SRI: variants seen among roughly 807,000 people sequenced by gnomAD.
The protein encoded by SRI is sorcin.
A neutral mutation model predicts 33.3 loss-of-function variants in SRI; 30 were observed. The observed-to-expected ratio is 0.90, with a 90% CI of 0.67 to 1.22. SRI has a LOEUF of 1.22. Ranked by LOEUF, SRI falls within the 50% of genes most tolerant of loss-of-function variation. SRI has a pLI of 0.00. For synonymous variants in SRI, 75 were observed against 89.9 expected (o/e 0.83, Z 0.94); for missense variants, 243 against 250.8 (o/e 0.97, Z 0.21).
At chr7:88,208,223 G>A in intron 7 of SRI, 2 of 468,358 alleles carry the variant, frequency 4.3e-6, no homozygotes, top group East Asian at 4.7e-5. Context: ...TATTCATATA[G>A]TGTCACAGCA....
rs2115728958 is a variant in SRI at position 88,206,096 on chromosome 7, GAGTATTCTTTGT to G, written c.*370_*381del. ...TCATTTACCTAAGTTTTTATGTGTG[GAGTATTCTTTGT>G]AGGAGAGGAAAGATAACAGCTGTAG... On this transcript the variant is annotated 3_prime_UTR_variant, in exon 8 of 8. Transcript: ENST00000265729. The G allele has an allele frequency of 4.5e-6, 1 of 222,434 alleles. No individual in the cohort carries two copies. The highest frequency in any genetic ancestry group is 1.0e-4 in the East Asian group (1 of 9,554). The allele number at this position is 222,434 out of a possible 1,614,324, so 13.8% of individuals were successfully genotyped here.
chr7:88,217,582 G>A (rs942711917), intron 2 of SRI, among the ~76,000 whole-genome samples: 1 of 152,174 alleles, frequency 6.6e-6, no homozygotes, highest in Non-Finnish European at 1.5e-5. Flanking sequence ...TTATGATATA[G>A]TGAATCATTT....
At chr7:88,212,117 T>A (rs535993570) in intron 3 of SRI, among the ~76,000 whole-genome samples, 1 of 152,364 alleles carries the variant, frequency 6.6e-6, no homozygotes, top group Admixed American at 6.5e-5. Flanking sequence ...CTTTGTAGCT[T>A]CATATTTTTT....
chr7:88,209,552 CATATT>C (rs1851519004), intron 5 of SRI, 100 bp from the exon 6 acceptor site: 3 of 843,728 alleles, frequency 3.6e-6, no homozygotes, highest in African/African-American at 1.7e-5. Flanking sequence ...ACTGCAGACT[CATATT>C]AATTATGAAC....
chr7:88,222,673 C>T (rs1354167568), upstream of SRI, among the ~76,000 whole-genome samples: 1 of 152,110 alleles, frequency 6.6e-6, no homozygotes, highest in Admixed American at 6.6e-5. Flanking sequence ...TGGAACAGAA[C>T]AAAGCCCTCA....
In SRI at chr7:88,206,324, C is replaced by A; in HGVS notation, c.*154G>T. Reference sequence around the variant, plus strand: ...AAAGAATTTATTATCAAAACTAAAACAAAACTTCAGTTGTACATAAAGTAA... The same window carrying A: ...AAAGAATTTATTATCAAAACTAAAAAAAAACTTCAGTTGTACATAAAGTAA... On this transcript the variant is annotated 3_prime_UTR_variant, in exon 8 of 8. Transcript: ENST00000265729. The A allele has an allele frequency of 1.1e-6, 1 of 882,348 alleles. No homozygotes were observed. Among genetic ancestry groups the A allele is most frequent in the African/African-American group, 1.7e-5 (1 of 59,722 alleles). The allele number at this position is 882,348 out of a possible 1,614,324, so 54.7% of individuals were successfully genotyped here. A position where few individuals can be genotyped will look rare whatever the true frequency, so the allele number is the denominator to read the frequency against.
rs542710451 is a variant in SRI, at chr7:88,208,646, G to C, written c.512-81C>G. On this transcript the variant is annotated intron_variant, in intron 6 of 7. Coordinates refer to ENST00000265729, the MANE Select transcript of SRI (RefSeq NM_003130.4). The stretch of plus-strand genomic sequence containing the variant: ...CATAAAAGTTAGTTATTTTGGCATT[G>C]AATTCACATTGCAGTAACATTTAAA... The C allele has an allele frequency of 2.7e-4, 415 of 1,565,612 alleles. 6 individuals are homozygous for C. In the South Asian group the frequency reaches 4.4e-3, roughly 17 times the overall value.
intron 7 of SRI, among the ~76,000 whole-genome samples, chr7:88,207,123 T>C (rs1186085687): frequency 6.6e-6 from 1 of 152,198 alleles, no homozygotes; most frequent in Non-Finnish European, 1.5e-5. Flanking sequence ...TACTAAGGTA[T>C]TGTGCACTGC....
chr7:88,218,599 G>T (rs1269896047), intron 2 of SRI: 1 of 406,450 alleles, frequency 2.5e-6, no homozygotes, highest in South Asian at 2.3e-5. Context: ...GAATTTTTTC[G>T]CTTGAAACCA....
chr7:88,210,095 A>T lies in SRI; in HGVS notation c.285T>A (p.Phe95Leu). The part of the protein sequence containing the change: ...DMSGTMGFNE[F>L]KELWAVLNGW... ...CATTCAGTACAGCCCAGAGTTCTTT[A>T]AATTCATTGAAACCCATTGTGCCAG... The change falls in exon 5 of 8, where the codon TTT becomes TTA. Residue 95 changes from phenylalanine (F) to leucine (L), a missense_variant. By Grantham distance (22) the Phe-to-Leu change is conservative (BLOSUM62 0). Transcript: ENST00000265729. 1 of 1,614,180 alleles carries T rather than the reference A, an allele frequency of 6.2e-7. No homozygotes were observed. The highest frequency in any genetic ancestry group is 8.5e-7 in the Non-Finnish European group (1 of 1,180,012).
intron 1 of SRI, 22 bp from the exon 2 acceptor site, chr7:88,218,964 C>T: frequency 6.2e-7 from 1 of 1,605,830 alleles, no homozygotes; most frequent in Non-Finnish European, 8.5e-7. Context: ...GAAACACATA[C>T]ACGTCATTCT....
chr7:88,222,891 A>C (rs534359733), upstream of SRI, among the ~76,000 whole-genome samples: 26 of 152,198 alleles, frequency 1.7e-4, no homozygotes, highest in African/African-American at 5.5e-4. Flanking sequence ...TAAAACCATA[A>C]AAACCCTAGA....
chr7:88,210,779 G>C, intron 4 of SRI, 103 bp downstream of exon 4: 2 of 1,128,894 alleles, frequency 1.8e-6, no homozygotes, highest in Non-Finnish European at 2.6e-6. Flanking sequence ...AAGCTTTTTA[G>C]TGATCATTTA....
In SRI at chr7:88,209,389, A is replaced by T; in HGVS notation, c.461T>A (p.Ile154Asn). 1.2e-6 allele frequency: 2 copies of T among 1,614,122 alleles called. No homozygotes were observed. Among genetic ancestry groups the T allele is most frequent in the Non-Finnish European group, 1.7e-6 (2 of 1,179,976 alleles). The change falls in exon 6 of 8, where the codon ATC becomes AAC. Residue 154 changes from isoleucine (I) to asparagine (N), a missense_variant. By Grantham distance (149) the Ile-to-Asn change is moderately radical. Coordinates refer to ENST00000265729, the MANE Select transcript of SRI (RefSeq NM_003130.4). ...IAKRYSTNGK[I>N]TFDDYIACCV... ...GCAGGCGATGTAGTCGTCGAAGGTG[A>T]TCTTTCCATTGGTGCTGTATCGTTT...
chr7:88,216,324 A>G (rs1326447105), intron 3 of SRI, among the ~76,000 whole-genome samples: 1 of 152,042 alleles, frequency 6.6e-6, no homozygotes, highest in Non-Finnish European at 1.5e-5. Context: ...AGCTCATGGC[A>G]GAGTGTTCAA....
chr7:88,208,421 G>C, intron 7 of SRI, 86 bp downstream of exon 7: 1 of 1,564,148 alleles, frequency 6.4e-7, no homozygotes. Context: ...TTAACCTTAA[G>C]ATATTCTTAA....
At chr7:88,226,426 A>C (rs925851919) in intron 1 of SRI, among the ~76,000 whole-genome samples, 1 of 152,142 alleles carries the variant, frequency 6.6e-6, no homozygotes, top group African/African-American at 2.4e-5. Context: ...ACCAGAGATA[A>C]ATAGAGAAGC....
intron 1 of SRI, 90 bp from the exon 2 acceptor site, chr7:88,219,032 G>A: frequency 9.4e-7 from 1 of 1,060,740 alleles, no homozygotes; most frequent in Non-Finnish European, 1.4e-6. Context: ...CCAGACAACT[G>A]CCCGCCTGCC....
At chr7:88,210,157 G>GT in intron 4 of SRI, 27 bp from the exon 5 acceptor site, 1 of 1,613,162 alleles carries the variant, frequency 6.2e-7, no homozygotes, top group Non-Finnish European at 8.5e-7. Context: ...GATTAGAGCT[G>GT]TATTTTGCGA....
Sources: gnomAD v4.1 joint callset for allele counts (sites outside exome capture counted in the v4.1 genomes callset) on GRCh38, gnomAD v4.1.1 for gene constraint, MANE v1.5 for transcripts, NCBI Gene and HGNC (gene_info 2026-07-23, HGNC 2026-07-21) for gene names.